Variants in RB1 observed in about 807,000 individuals in gnomAD.
RB1 encodes the protein RB transcriptional corepressor 1.
In RB1, 18 loss-of-function variants were observed where a neutral mutation model predicts 135.4. The observed-to-expected ratio is 0.13, with a 90% confidence interval of 0.09 to 0.20. The LOEUF is 0.20. Among genes scored for constraint, RB1 ranks in the 10% least tolerant of loss-of-function variants. RB1 has a pLI of 1.00. For missense variants in RB1, 868 were observed against 1,110.0 expected, an observed-to-expected ratio of 0.78 and a Z score of 3.10; for synonymous variants, 365 against 373.2, an observed-to-expected ratio of 0.98 and a Z score of 0.25.
chr13:48,395,155 C>T (rs2138167970), intron 17 of RB1, among the ~76,000 whole-genome samples: 1 of 152,258 alleles, frequency 6.6e-6, no homozygotes, highest in African/African-American at 2.4e-5. Context: ...AGCAGAGGGG[C>T]CTGACTGTTA....
rs928877885 is a variant in RB1, at chr13:48,423,925, G to A, written c.1696-29068G>A. The A allele has an allele frequency of 2.6e-5, 4 of 152,346 alleles. No homozygotes were observed. In the South Asian group the frequency reaches 8.3e-4, roughly 32 times the overall value. The allele number at this position is 152,346 out of a possible 1,614,324, so 9.4% of individuals were successfully genotyped here. A position where few individuals can be genotyped will look rare whatever the true frequency, so the allele number is the denominator to read the frequency against. On this transcript the variant is annotated intron_variant, in intron 17 of 26. Transcript: ENST00000267163. ...GCAACATAACGAGACACTGTCTCTTGAAGAAAGAAAGAAAAAAGTATGGGA... is the reference window on the plus strand; with the variant it reads ...GCAACATAACGAGACACTGTCTCTTAAAGAAAGAAAGAAAAAAGTATGGGA...
chr13:48,417,396 A>G (rs1433740054), intron 17 of RB1: 1 of 152,224 alleles, frequency 6.6e-6, no homozygotes. Context: ...AACAAAAAGG[A>G]CTTCCACACA....
intron 17 of RB1, among the ~76,000 whole-genome samples, chr13:48,438,609 T>C (rs866695170): frequency 2.0e-5 from 3 of 152,138 alleles, no homozygotes; most frequent in Admixed American, 2.0e-4. Context: ...AAACAAAGGC[T>C]CTGAAATCAA....
chr13:48,336,221 C>T (rs1952383999), intron 2 of RB1, among the ~76,000 whole-genome samples: 1 of 152,044 alleles, frequency 6.6e-6, no homozygotes, highest in Non-Finnish European at 1.5e-5. Flanking sequence ...GGGAGGATTC[C>T]CTCTTTTTCT....
At position 48,412,213 on chromosome 13, in the gene RB1, G is replaced by A. The variant is rs369585175; in HGVS notation, c.1695+30770G>A. 3.7e-6 allele frequency: 6 copies of A among 1,613,752 alleles called. No homozygotes were observed. The highest frequency in any genetic ancestry group is 1.3e-5 in the African/African-American group (1 of 74,922). On this transcript the variant is annotated intron_variant, in intron 17 of 26. Transcript: ENST00000267163. The stretch of plus-strand genomic sequence containing the variant: ...GTTGTGAAGTAAAAAATCCTGAAGG[G>A]TAAAGTAAAAACAAAAAGCAAGTCT...
intron 23 of RB1, among the ~76,000 whole-genome samples, chr13:48,465,705 C>T (rs1489386366): frequency 2.6e-5 from 4 of 151,210 alleles, no homozygotes; most frequent in African/African-American, 9.7e-5. Context: ...GTGTGCGCAC[C>T]GTGTGCGAGC....
rs776534331 is a variant in RB1 at position 48,367,518 on chromosome 13, G to A, written c.964G>A (p.Glu322Lys). Residue 322 changes from glutamate to lysine, a missense_variant, in exon 10 of 27, where the codon GAA becomes AAA. By Grantham distance (56) the Glu-to-Lys change is moderately conservative. Transcript: ENST00000267163. ...PEVENLSKRY[E>K]EIYLKNKDLD... The stretch of plus-strand genomic sequence containing the variant: ...GGTTGAAAATCTTTCTAAACGATAC[G>A]AAGAAATTTATCTTAAAAATAAAGA... The A allele has an allele frequency of 4.4e-6, 7 of 1,603,764 alleles. No individual in the cohort carries two copies. Among genetic ancestry groups the A allele is most frequent in the South Asian group, 1.1e-5 (1 of 90,908 alleles).
At chr13:48,348,170 A>G (rs1952514931) in intron 5 of RB1, among the ~76,000 whole-genome samples, 1 of 152,008 alleles carries the variant, frequency 6.6e-6, no homozygotes, top group African/African-American at 2.4e-5. Context: ...GGTCTGTTAC[A>G]GGCACTTTAT....
intron 2 of RB1, among the ~76,000 whole-genome samples, chr13:48,314,970 G>C (rs1395958428): frequency 1.3e-5 from 2 of 152,084 alleles, no homozygotes; most frequent in African/African-American, 4.8e-5. Context: ...GATGCCTCTA[G>C]CTTTGGTCTT....
chr13:48,339,900 A>AT (rs1204290963), intron 2 of RB1, among the ~76,000 whole-genome samples: 16 of 152,216 alleles, frequency 1.1e-4, no homozygotes, highest in African/African-American at 3.6e-4. Flanking sequence ...ACTAAAATGA[A>AT]CAAAATATAT....
chr13:48,413,689 C>T (rs530473177), intron 17 of RB1, among the ~76,000 whole-genome samples: 3 of 152,254 alleles, frequency 2.0e-5, no homozygotes, highest in Admixed American at 2.0e-4. Flanking sequence ...ATTCTTTCCT[C>T]TTTCCTATGC....
intron 11 of RB1, among the ~76,000 whole-genome samples, chr13:48,371,214 G>A (rs1952754940): frequency 6.6e-6 from 1 of 152,154 alleles, no homozygotes; most frequent in African/African-American, 2.4e-5. Context: ...GCAGGGGTAA[G>A]GATAAAATCA....
chr13:48,454,460 A>T (rs922718359), intron 18 of RB1, among the ~76,000 whole-genome samples: 5 of 152,204 alleles, frequency 3.3e-5, no homozygotes, highest in Non-Finnish European at 7.3e-5. Context: ...TTGTTTTTTT[A>T]AAATTCAAGA....
intron 2 of RB1, chr13:48,332,990 G>C: frequency 2.5e-6 from 1 of 398,308 alleles, no homozygotes. Flanking sequence ...AAAAGTATGT[G>C]AATGTAGTCT....
intron 2 of RB1, among the ~76,000 whole-genome samples, chr13:48,337,806 A>C (rs532673935): frequency 1.3e-5 from 2 of 152,296 alleles, no homozygotes; most frequent in South Asian, 2.1e-4. Context: ...ATGTTTTTGC[A>C]GTGGCTGGTA....
chr13:48,443,295 G>A (rs1011032757), intron 17 of RB1, among the ~76,000 whole-genome samples: 8 of 151,628 alleles, frequency 5.3e-5, no homozygotes, highest in Admixed American at 4.6e-4. Flanking sequence ...TTAATAAAAT[G>A]TTTTAAAGAA....
chr13:48,456,463 G>C (rs1949361082), intron 19 of RB1, 114 bp downstream of exon 19: 3 of 1,387,152 alleles, frequency 2.2e-6, no homozygotes, highest in Non-Finnish European at 2.0e-6. Flanking sequence ...TAATATCTCT[G>C]TGTCTCAGTT....
chr13:48,437,564 G>A (rs989708898), intron 17 of RB1, among the ~76,000 whole-genome samples: 2 of 152,132 alleles, frequency 1.3e-5, no homozygotes, highest in Non-Finnish European at 2.9e-5. Flanking sequence ...ACTGGGATTG[G>A]AGAGTCTACT....
intron 17 of RB1, among the ~76,000 whole-genome samples, chr13:48,442,666 G>A (rs983226333): frequency 1.3e-5 from 2 of 152,146 alleles, no homozygotes; most frequent in African/African-American, 2.4e-5. Context: ...ATTCAGATAA[G>A]TGACTATTTT....
Sources: gnomAD v4.1 joint callset for allele counts (sites outside exome capture counted in the v4.1 genomes callset) on GRCh38, gnomAD v4.1.1 for gene constraint, MANE v1.5 for transcripts, NCBI Gene and HGNC (gene_info 2026-07-23, HGNC 2026-07-21) for gene names.